PTPN9: variants seen among roughly 807,000 people sequenced by gnomAD.
PTPN9 encodes the protein protein tyrosine phosphatase non-receptor type 9, also known as tyrosine-protein phosphatase non-receptor type 9.
A neutral mutation model predicts 69.8 loss-of-function variants in PTPN9; 26 were observed. That is an observed-to-expected ratio of 0.37 (90% CI 0.27 to 0.52). The LOEUF (loss-of-function observed/expected upper bound fraction) is 0.52, where lower values mean the gene tolerates loss of function less well. PTPN9 is among the 20% of genes least tolerant of loss of function. The pLI, the probability that PTPN9 is intolerant of heterozygous loss-of-function variation, is 0.91. For synonymous variants in PTPN9, 274 were observed against 272.5 expected, an observed-to-expected ratio of 1.01 and a Z score of -0.05; for missense variants, 549 against 740.3, an observed-to-expected ratio of 0.74 and a Z score of 3.00.
At chr15:75,482,787 TAA>T (rs36049658) in intron 8 of PTPN9, among the ~76,000 whole-genome samples, 3 of 144,974 alleles carry the variant, frequency 2.1e-5, no homozygotes, top group African/African-American at 7.7e-5. Context: ...AAAAATAAAT[TAA>T]AAAAAAATAC....
intron 10 of PTPN9, 162 bp from the exon 11 acceptor site, chr15:75,470,992 A>G (rs892813601): frequency 2.4e-6 from 2 of 844,578 alleles, no homozygotes; most frequent in Non-Finnish European, 3.6e-6. Context: ...AAACCTCTTC[A>G]TTCTAAACAA....
At chr15:75,516,595 A>T (rs1205314692) in intron 5 of PTPN9, among the ~76,000 whole-genome samples, 1 of 151,640 alleles carries the variant, frequency 6.6e-6, no homozygotes, top group Non-Finnish European at 1.5e-5. Flanking sequence ...TACTGGTGTA[A>T]GCCACCATGC....
At position 75,527,147 on chromosome 15, in the gene PTPN9, G is replaced by A. The variant is rs114183309; in HGVS notation, c.178C>T (p.Arg60Cys). The A allele has an allele frequency of 2.0e-5, 33 of 1,614,098 alleles. No individual in the cohort carries two copies. In the East Asian group the frequency reaches 5.6e-4, roughly 27 times the overall value. Residue 60 changes from arginine to cysteine, a missense_variant, in exon 2 of 13, where the codon CGT becomes TGT. Arg to Cys is a radical substitution (Grantham distance 180). Coordinates refer to ENST00000618819, the MANE Select transcript of PTPN9 (RefSeq NM_002833.4). Reference protein sequence around the residue: ...FLMARKFDVLRAIELFHSYRE... With the variant: ...FLMARKFDVLCAIELFHSYRE... Reference sequence around the variant, plus strand: ...TAGGAGTGGAACAATTCTATGGCACGGAGCACATCAAACTTCCTTGCCATG... The same window carrying A: ...TAGGAGTGGAACAATTCTATGGCACAGAGCACATCAAACTTCCTTGCCATG...
chr15:75,479,516 G>T (rs1027586992), intron 9 of PTPN9, among the ~76,000 whole-genome samples: 1 of 152,106 alleles, frequency 6.6e-6, no homozygotes, highest in Non-Finnish European at 1.5e-5. Context: ...CACTAGACAG[G>T]AAGAGCATGA....
chr15:75,483,894 G>A (rs2074658702), intron 8 of PTPN9, among the ~76,000 whole-genome samples: 1 of 152,176 alleles, frequency 6.6e-6, no homozygotes, highest in Non-Finnish European at 1.5e-5. Flanking sequence ...AGGCACATCT[G>A]AAGCCTGTTA....
At chr15:75,561,779 G>T (rs939466730) in intron 1 of PTPN9, among the ~76,000 whole-genome samples, 1 of 151,878 alleles carries the variant, frequency 6.6e-6, no homozygotes, top group East Asian at 1.9e-4. Flanking sequence ...ACACGATCTC[G>T]GCTCACCACA....
rs71140166 is a variant in PTPN9, at chr15:75,494,131, C to CATATATATATATAT, written c.969-3844_969-3831dup. Among the ~76,000 whole-genome samples, 115 of 143,494 alleles carry CATATATATATATAT rather than the reference C, an allele frequency of 8.0e-4. 1 individual carries two copies. Among genetic ancestry groups the CATATATATATATAT allele is most frequent in the African/African-American group, 2.8e-3 (110 of 39,492 alleles). The allele number at this position is 143,494 out of a possible 152,430, so 94.1% of individuals were successfully genotyped here. On this transcript the variant is annotated intron_variant, in intron 7 of 12. Transcript: ENST00000618819. ...CCTTTAAGAAAAAGTTTATCAATCC[C>CATATATATATATAT]ATATATATATATATATATATATATA...
At chr15:75,568,028 T>G (rs1595972717) in intron 1 of PTPN9, among the ~76,000 whole-genome samples, 1 of 149,358 alleles carries the variant, frequency 6.7e-6, no homozygotes, top group Admixed American at 6.6e-5. Flanking sequence ...AAAACTGAAA[T>G]GCTTATCTCA....
Position 75,523,262 on chromosome 15 carries a change from A to C in PTPN9, c.298-17T>G, listed in dbSNP as rs768299464. ...CCGAACATTCTAAAGCAAATAAAAC[A>C]AGAAACATTAAAAAAATCAAATAGA... On this transcript the variant is annotated splice_polypyrimidine_tract_variant and intron_variant, in intron 3 of 12. Coordinates refer to ENST00000618819, the MANE Select transcript of PTPN9 (RefSeq NM_002833.4). 1 of 1,609,434 alleles carries C rather than the reference A, an allele frequency of 6.2e-7. No homozygotes were observed. Among genetic ancestry groups the C allele is most frequent in the Non-Finnish European group, 8.5e-7 (1 of 1,178,286 alleles).
At position 75,530,432 on chromosome 15, in the gene PTPN9, TATATA is replaced by T. The variant is rs1377810058; in HGVS notation, c.64-3176_64-3172del. Among the ~76,000 whole-genome samples the T allele has an allele frequency of 1.2e-3, 135 of 108,120 alleles. 2 individuals carry two copies. Among genetic ancestry groups the T allele is most frequent in the South Asian group, 0.011 (44 of 4,130 alleles). 70.9% of individuals were successfully genotyped at this position (108,120 alleles called of 152,430 possible). ...TATATTATTATATATTATATTATAA[TATATA>T]ATATATTATTATTATAATAAAATAT... On this transcript the variant is annotated intron_variant, in intron 1 of 12. Transcript: ENST00000618819.
At chr15:75,559,768 C>CAAAA (rs5813803) in intron 1 of PTPN9, among the ~76,000 whole-genome samples, 20 of 95,022 alleles carry the variant, frequency 2.1e-4, no homozygotes, top group East Asian at 1.6e-3. Context: ...GAATGGTCAA[C>CAAAA]AAAAAAAAAA....
At chr15:75,496,846 C>T (rs931083368) in intron 7 of PTPN9, among the ~76,000 whole-genome samples, 3 of 151,906 alleles carry the variant, frequency 2.0e-5, no homozygotes, top group Admixed American at 6.6e-5. Context: ...GATGAAATAC[C>T]AGGGGAAACA....
intron 4 of PTPN9, among the ~76,000 whole-genome samples, chr15:75,519,115 T>A (rs1450997426): frequency 1.3e-5 from 2 of 152,168 alleles, no homozygotes; most frequent in Admixed American, 6.5e-5. Context: ...AAAGTTATTG[T>A]TTTTTGTTTT....
intron 5 of PTPN9, among the ~76,000 whole-genome samples, chr15:75,516,645 A>G (rs1356638467): frequency 2.0e-5 from 3 of 150,838 alleles, no homozygotes; most frequent in Non-Finnish European, 4.4e-5. Flanking sequence ...CACCTTATAC[A>G]CATAAGTATG....
At chr15:75,542,515 G>A (rs2075014012) in intron 1 of PTPN9, among the ~76,000 whole-genome samples, 1 of 152,190 alleles carries the variant, frequency 6.6e-6, no homozygotes, top group Non-Finnish European at 1.5e-5. Flanking sequence ...AGGAAACCAG[G>A]GTTGACCAAG....
chr15:75,465,545 T>C lies in PTPN9; in HGVS notation c.*3224A>G, dbSNP rs889060181. 2 of 152,232 alleles carry C rather than the reference T, an allele frequency of 1.3e-5. No individual in the cohort carries two copies. The highest frequency in any genetic ancestry group is 2.9e-5 in the Non-Finnish European group (2 of 68,044). 9.4% of individuals were successfully genotyped at this position (152,232 alleles called of 1,614,324 possible). A position where few individuals can be genotyped will look rare whatever the true frequency, so the allele number is the denominator to read the frequency against. On this transcript the variant is annotated 3_prime_UTR_variant, in exon 13 of 13. Coordinates refer to ENST00000618819, the MANE Select transcript of PTPN9 (RefSeq NM_002833.4). Reference sequence around the variant, plus strand: ...CCTAACACAGGTAGGTTCACGCTGGTAAAAGCTACAAACAATGGCAGTGGG... The same window carrying C: ...CCTAACACAGGTAGGTTCACGCTGGCAAAAGCTACAAACAATGGCAGTGGG...
Position 75,480,494 on chromosome 15 carries a change from G to A in PTPN9, c.1063-580C>T, listed in dbSNP as rs750731402. 1.6e-3 allele frequency among the ~76,000 whole-genome samples: 235 copies of A among 151,496 alleles called. 1 individual carries two copies. The highest frequency in any genetic ancestry group is 2.7e-3 in the Non-Finnish European group (181 of 67,662). ...GGAGCGCAGAGGAGGTCGCGGCGCC[G>A]GAGGCCCCAGAAGGCTCGAAGGCGC... On this transcript the variant is annotated intron_variant, in intron 8 of 12. Transcript: ENST00000618819.
chr15:75,543,429 A>G (rs934883827), intron 1 of PTPN9, among the ~76,000 whole-genome samples: 4 of 152,218 alleles, frequency 2.6e-5, no homozygotes, highest in African/African-American at 9.6e-5. Flanking sequence ...CTCAACCAAT[A>G]AATGGCAGAG....
rs1468418275 is a variant in PTPN9 at position 75,464,346 on chromosome 15, G to A, written c.*4423C>T. The A allele has an allele frequency of 2.0e-5, 3 of 151,932 alleles. No individual in the cohort carries two copies. The highest frequency in any genetic ancestry group is 7.3e-5 in the African/African-American group (3 of 41,310). 9.4% of individuals were successfully genotyped at this position (151,932 alleles called of 1,614,324 possible). ...TGAGCCCAGTTGTTGAGACTGCAGT[G>A]AGCCATGATCATGCCACTCCCCTCT... On this transcript the variant is annotated 3_prime_UTR_variant, in exon 13 of 13. Transcript: ENST00000618819.
Sources: allele counts gnomAD v4.1 joint callset (sites outside exome capture counted in the v4.1 genomes callset), GRCh38; gene constraint gnomAD v4.1.1; transcripts MANE v1.5; gene names NCBI Gene and HGNC (gene_info 2026-07-23, HGNC 2026-07-21).